Variants in SNAP91 observed in about 807,000 individuals in gnomAD.
SNAP91 encodes synaptosome associated protein 91, also known as clathrin coat assembly protein AP180.
In SNAP91, 27 loss-of-function variants were observed where a neutral mutation model predicts 100.3. The ratio of observed to expected loss-of-function variants is 0.27; its 90% CI spans 0.20 to 0.37. The LOEUF (loss-of-function observed/expected upper bound fraction) is 0.37. Among genes scored for constraint, SNAP91 ranks in the 10% least tolerant of loss-of-function variants. The pLI is 1.00. For missense variants in SNAP91, 986 were observed against 1,123.7 expected (o/e 0.88, Z 1.75); for synonymous variants, 404 against 398.6 (o/e 1.01, Z -0.16).
At chr6:83,582,908 T>C (rs745661579) in intron 22 of SNAP91, among the ~76,000 whole-genome samples, 1 of 152,204 alleles carries the variant, frequency 6.6e-6, no homozygotes. Flanking sequence ...GCATCCTGTC[T>C]CTAGTCTAGA....
intron 8 of SNAP91, among the ~76,000 whole-genome samples, chr6:83,625,689 A>AGTGTCT (rs1466687119): frequency 6.6e-6 from 1 of 151,984 alleles, no homozygotes; most frequent in Non-Finnish European, 1.5e-5. Context: ...TCTTTTGAGA[A>AGTGTCT]GTGTCTGTTC....
At chr6:83,703,421 A>G (rs1439904073) in intron 2 of SNAP91, among the ~76,000 whole-genome samples, 1 of 152,194 alleles carries the variant, frequency 6.6e-6, no homozygotes, top group Non-Finnish European at 1.5e-5. Flanking sequence ...TCTATGAATT[A>G]AAATATATTT....
chr6:83,690,416 G>A (rs1214933807), intron 2 of SNAP91: 1 of 1,288,524 alleles, frequency 7.8e-7, no homozygotes, highest in Non-Finnish European at 1.0e-6. Flanking sequence ...GGAAGCACTT[G>A]TTGAAAGAAG....
At chr6:83,647,303 A>C (rs2097970540) in intron 7 of SNAP91, among the ~76,000 whole-genome samples, 1 of 152,166 alleles carries the variant, frequency 6.6e-6, no homozygotes, top group Non-Finnish European at 1.5e-5. Context: ...CTTTTTCACC[A>C]TTAAATATGA....
In SNAP91 at chr6:83,580,612, T is replaced by C. The variant is rs749434359; in HGVS notation, c.2150-13A>G. Reference sequence around the variant, plus strand: ...AGACCATCAAACACTGGAAATCAAATAGACTAGGTTCAGAATAATTGAAAA... The same window carrying C: ...AGACCATCAAACACTGGAAATCAAACAGACTAGGTTCAGAATAATTGAAAA... On this transcript the variant is annotated splice_polypyrimidine_tract_variant and intron_variant, in intron 23 of 29. Transcript: ENST00000369694. 1 of 1,597,084 alleles carries C rather than the reference T, an allele frequency of 6.3e-7. No individual in the cohort carries two copies. Among genetic ancestry groups the C allele is most frequent in the South Asian group, 1.1e-5 (1 of 87,272 alleles).
chr6:83,593,408 C>A, intron 18 of SNAP91, 70 bp downstream of exon 18: 3 of 1,531,672 alleles, frequency 2.0e-6, no homozygotes, highest in Non-Finnish European at 2.6e-6. Context: ...AGTCTTCATG[C>A]AGTACATCTC....
Position 83,592,502 on chromosome 6 carries a change from G to T in SNAP91, c.1883C>A (p.Ala628Asp), listed in dbSNP as rs2093908153. 1 of 1,610,918 alleles carries T rather than the reference G, an allele frequency of 6.2e-7. No homozygotes were observed. Among genetic ancestry groups the T allele is most frequent in the Non-Finnish European group, 8.5e-7 (1 of 1,178,630 alleles). Residue 628 changes from alanine to aspartate, a missense_variant, in exon 21 of 30, where the codon GCC (alanine) becomes GAC (aspartate). By Grantham distance (126) the Ala-to-Asp change is moderately radical. Around this residue, in one of 4 missense-constraint regions of SNAP91, gnomAD observed 575 missense variants for 579.9 expected, o/e 0.99. Transcript: ENST00000369694. ...TGAAGAATCCACCTTTGCTGGCGAG[G>T]CAGTGGTTGCAGGAGATGGTGCTGC... ...AFAAPSPATT[A>D]SPAKVDSSGV...
chr6:83,603,164 T>G (rs1168387427), intron 14 of SNAP91, among the ~76,000 whole-genome samples: 1 of 152,184 alleles, frequency 6.6e-6, no homozygotes, highest in Non-Finnish European at 1.5e-5. Context: ...TATCTTAGTT[T>G]TTATTGTAAA....
intron 12 of SNAP91, among the ~76,000 whole-genome samples, chr6:83,610,186 C>T (rs914055819): frequency 2.6e-5 from 4 of 151,908 alleles, no homozygotes; most frequent in Admixed American, 2.6e-4. Flanking sequence ...TATTCATAAA[C>T]CCAAATGATA....
At chr6:83,562,972 T>C (rs1044524623) in intron 26 of SNAP91, among the ~76,000 whole-genome samples, 1 of 152,226 alleles carries the variant, frequency 6.6e-6, no homozygotes, top group African/African-American at 2.4e-5. Flanking sequence ...TGTTTTATTG[T>C]ATGCCTCCTC....
chr6:83,575,891 A>C, intron 25 of SNAP91, 132 bp downstream of exon 25: 2 of 611,538 alleles, frequency 3.3e-6, no homozygotes, highest in Non-Finnish European at 5.7e-6. Flanking sequence ...TGAAATAAAC[A>C]CCAATTGTGA....
chr6:83,582,198 A>G (rs766006917), intron 23 of SNAP91, 24 bp downstream of exon 23: 2 of 1,611,240 alleles, frequency 1.2e-6, no homozygotes, highest in South Asian at 1.1e-5. Flanking sequence ...ACATGAAAAG[A>G]ATGTTTGAAA....
intron 12 of SNAP91, among the ~76,000 whole-genome samples, chr6:83,609,242 C>A (rs1248737562): frequency 6.6e-6 from 1 of 151,668 alleles, no homozygotes; most frequent in Admixed American, 6.6e-5. Flanking sequence ...CAGTAAAATT[C>A]AATTTGGCCG....
intron 3 of SNAP91, among the ~76,000 whole-genome samples, chr6:83,663,357 CT>C (rs1302299989): frequency 1.3e-5 from 2 of 152,134 alleles, no homozygotes; most frequent in Non-Finnish European, 2.9e-5. Flanking sequence ...AGGCCAAAAG[CT>C]AGCTCTCTTG....
chr6:83,611,668 A>C (rs1297957651), intron 11 of SNAP91, among the ~76,000 whole-genome samples: 1 of 151,832 alleles, frequency 6.6e-6, no homozygotes, highest in Non-Finnish European at 1.5e-5. Context: ...GATATAGCAA[A>C]TTTAACAGTA....
intron 13 of SNAP91, among the ~76,000 whole-genome samples, chr6:83,606,841 C>G (rs1044645534): frequency 6.6e-6 from 1 of 152,150 alleles, no homozygotes; most frequent in African/African-American, 2.4e-5. Flanking sequence ...GAAAGGAATA[C>G]ATATTTATTA....
At chr6:83,557,801 T>C (rs572292535) in intron 28 of SNAP91, among the ~76,000 whole-genome samples, 18 of 152,218 alleles carry the variant, frequency 1.2e-4, no homozygotes, top group African/African-American at 4.1e-4. Flanking sequence ...TGGTCCATAA[T>C]TGATAATTAG....
At chr6:83,622,272 G>T (rs936159266) in intron 9 of SNAP91, among the ~76,000 whole-genome samples, 2 of 151,914 alleles carry the variant, frequency 1.3e-5, no homozygotes, top group Admixed American at 1.3e-4. Context: ...AAGAATTCTT[G>T]ATATTTAATT....
intron 26 of SNAP91, among the ~76,000 whole-genome samples, chr6:83,567,413 G>A (rs1798270125): frequency 6.6e-6 from 1 of 152,106 alleles, no homozygotes; most frequent in African/African-American, 2.4e-5. Flanking sequence ...AGAACACCTA[G>A]GCAATACCAT....
Sources: allele counts gnomAD v4.1 joint callset (sites outside exome capture counted in the v4.1 genomes callset), GRCh38; gene constraint gnomAD v4.1.1; regional missense constraint gnomAD v4.1.1; transcripts MANE v1.5; gene names NCBI Gene and HGNC (gene_info 2026-07-23, HGNC 2026-07-21).